Variants in NIPBL observed in about 807,000 individuals in gnomAD.
The protein encoded by NIPBL is NIPBL cohesin loading factor, also known as nipped-B-like protein.
Under a neutral mutation model 321.8 loss-of-function variants are expected in NIPBL, and 19 were observed. That is an observed-to-expected ratio of 0.06 (90% CI 0.04 to 0.09). The LOEUF is 0.09. Ranked by LOEUF, NIPBL falls within the 10% of genes least tolerant of loss-of-function variation. The pLI, the probability that NIPBL is intolerant of heterozygous loss-of-function variation, is 1.00. For missense variants in NIPBL, 2,210 were observed against 3,327.0 expected (o/e 0.66, Z 8.26); for synonymous variants, 1,106 against 1,114.1 (o/e 0.99, Z 0.14).
Position 37,064,900 on chromosome 5 carries a change from G to GTACA in NIPBL, c.*10_*13dup. 1 of 1,613,954 alleles carries GTACA rather than the reference G, an allele frequency of 6.2e-7. No homozygotes were observed. The highest frequency in any genetic ancestry group is 8.5e-7 in the Non-Finnish European group (1 of 1,179,972). ...GATGGGACTTCCAGCTAATGAATTT[G>GTACA]TACATGCAGCCAAATTTACAGGAAT... On this transcript the variant is annotated 3_prime_UTR_variant, in exon 47 of 47. Transcript: ENST00000282516.
intron 12 of NIPBL, 103 bp downstream of exon 12, chr5:37,000,673 T>G (rs1476792951): frequency 4.4e-6 from 6 of 1,356,612 alleles, no homozygotes; most frequent in Non-Finnish European, 1.0e-6. Flanking sequence ...ATAACTAATT[T>G]TCAATTAAGA....
chr5:37,046,161 C>A lies in NIPBL; in HGVS notation c.6551C>A (p.Ser2184Ter). ...LELLMYFTKHSDEEVQTKAII... is the reference protein window; with the variant it reads ...LELLMYFTKH ...CTATTGATGTATTTTACAAAACACTCAGATGAAGAAGTACAAACAAAAGCT... is the reference window on the plus strand; with the variant it reads ...CTATTGATGTATTTTACAAAACACTAAGATGAAGAAGTACAAACAAAAGCT... The change falls in exon 38 of 47, where the codon TCA becomes TAA. Residue 2184 changes from serine to a stop codon, truncating the protein, a stop_gained. Transcript: ENST00000282516. LOFTEE classifies it high-confidence loss of function. The A allele has an allele frequency of 6.3e-7, 1 of 1,581,456 alleles. No individual in the cohort carries two copies. Among genetic ancestry groups the A allele is most frequent in the South Asian group, 1.1e-5 (1 of 90,362 alleles).
intron 22 of NIPBL, among the ~76,000 whole-genome samples, 176 bp downstream of exon 22, chr5:37,014,941 G>C (rs912937940): frequency 2.0e-5 from 3 of 151,888 alleles, no homozygotes; most frequent in Admixed American, 2.0e-4. Context: ...ATCTAAAATT[G>C]GGATGGGACT....
chr5:37,010,799 A>C (rs1279813093), intron 21 of NIPBL, among the ~76,000 whole-genome samples: 1 of 152,200 alleles, frequency 6.6e-6, no homozygotes, highest in Non-Finnish European at 1.5e-5. Context: ...AAACTGCTAT[A>C]CCAGGTTGTA....
chr5:36,936,628 G>C (rs1326284092), intron 1 of NIPBL, among the ~76,000 whole-genome samples: 1 of 152,012 alleles, frequency 6.6e-6, no homozygotes, highest in Non-Finnish European at 1.5e-5. Context: ...GTTATATTAG[G>C]AGGATATGCC....
intron 1 of NIPBL, among the ~76,000 whole-genome samples, chr5:36,939,577 A>G (rs1373186293): frequency 1.3e-5 from 2 of 152,192 alleles, no homozygotes; most frequent in Non-Finnish European, 2.9e-5. Flanking sequence ...TTTCGCTATT[A>G]TGAAATTGTC....
chr5:36,993,028 A>T (rs1245384204), intron 10 of NIPBL, among the ~76,000 whole-genome samples: 1 of 152,172 alleles, frequency 6.6e-6, no homozygotes, highest in African/African-American at 2.4e-5. Flanking sequence ...GGTGTGAGCC[A>T]CTACGCCTGG....
intron 1 of NIPBL, among the ~76,000 whole-genome samples, chr5:36,933,016 T>C (rs1749898507): frequency 6.6e-6 from 1 of 152,044 alleles, no homozygotes; most frequent in South Asian, 2.1e-4. Context: ...AACAACTTTT[T>C]AGAGTTATTT....
intron 21 of NIPBL, among the ~76,000 whole-genome samples, chr5:37,010,446 G>A (rs570924003): frequency 8.6e-4 from 131 of 152,212 alleles, no homozygotes; most frequent in African/African-American, 3.1e-3. Flanking sequence ...CTGCTGAGTA[G>A]CTGGGATTAC....
chr5:36,889,451 A>G (rs1010059157), intron 1 of NIPBL, among the ~76,000 whole-genome samples: 2 of 152,032 alleles, frequency 1.3e-5, no homozygotes, highest in South Asian at 4.1e-4. Flanking sequence ...GGAAAGAGGT[A>G]TTTCTTACAG....
intron 12 of NIPBL, 36 bp from the exon 13 acceptor site, chr5:37,000,781 G>A (rs1746703182): frequency 1.3e-6 from 2 of 1,531,334 alleles, no homozygotes; most frequent in Non-Finnish European, 9.0e-7. Context: ...TAAGTTGTCA[G>A]TCCTGCATTT....
At chr5:37,044,257 T>C in intron 34 of NIPBL, 90 bp from the exon 35 acceptor site, 2 of 1,196,398 alleles carry the variant, frequency 1.7e-6, no homozygotes, top group Non-Finnish European at 1.2e-6. Flanking sequence ...ACGTGCAAAA[T>C]GCCCTATTTC....
rs1416290276 is a variant in NIPBL, at chr5:36,884,028, CT to C, written c.-80+6853del. 7.2e-5 allele frequency among the ~76,000 whole-genome samples: 11 copies of C among 152,166 alleles called. No individual in the cohort carries two copies. In the East Asian group the frequency reaches 1.9e-3, roughly 27 times the overall value. ...ACCTGAAAACTACTGATTCTTTCCC[CT>C]TTAAGAAAAGAATTTGGAAACTAGT... On this transcript the variant is annotated intron_variant, in intron 1 of 46. Transcript: ENST00000282516.
At chr5:36,919,283 A>T (rs1003607398) in intron 1 of NIPBL, among the ~76,000 whole-genome samples, 3 of 152,198 alleles carry the variant, frequency 2.0e-5, no homozygotes, top group Non-Finnish European at 2.9e-5. Flanking sequence ...TCTTCAGAAT[A>T]AAAGACTGCC....
chr5:37,037,722 T>C (rs1244467266), intron 33 of NIPBL, among the ~76,000 whole-genome samples: 2 of 151,172 alleles, frequency 1.3e-5, no homozygotes, highest in South Asian at 2.1e-4. Flanking sequence ...TTAGGGGTGA[T>C]ACTGATGTCC....
Position 36,975,840 on chromosome 5 carries a change from A to C in NIPBL, c.933A>C (p.Pro311=), listed in dbSNP as rs1164580808. ...SLPCSSPRDV[P]PDILLDSPER... is the part of the protein sequence containing the mutation. The stretch of plus-strand genomic sequence containing the variant: ...CTTGTTCATCACCTCGAGATGTTCC[A>C]CCAGATATCTTGCTAGATTCTCCAG... The change falls in exon 9 of 47, where the codon CCA becomes CCC. Residue 311 remains proline (P), a synonymous_variant. Coordinates refer to ENST00000282516, the MANE Select transcript of NIPBL (RefSeq NM_133433.4). 2 of 1,613,038 alleles carry C rather than the reference A, an allele frequency of 1.2e-6. No homozygotes were observed. Among genetic ancestry groups the C allele is most frequent in the Non-Finnish European group, 1.7e-6 (2 of 1,179,632 alleles).
chr5:36,997,687 T>C (rs1047923611), intron 11 of NIPBL, among the ~76,000 whole-genome samples: 5 of 152,196 alleles, frequency 3.3e-5, no homozygotes, highest in Non-Finnish European at 7.3e-5. Context: ...TCTTCACTTA[T>C]TTCTATACAA....
intron 1 of NIPBL, among the ~76,000 whole-genome samples, chr5:36,898,661 G>T (rs1214820585): frequency 6.6e-6 from 1 of 151,910 alleles, no homozygotes; most frequent in Non-Finnish European, 1.5e-5. Context: ...ACAGGCATGC[G>T]CCATCACGCC....
At chr5:37,046,008 C>T (rs979495364) in intron 37 of NIPBL, 101 bp from the exon 38 acceptor site, 11 of 685,918 alleles carry the variant, frequency 1.6e-5, no homozygotes, top group Non-Finnish European at 2.6e-5. Flanking sequence ...TAATAAAGTT[C>T]ACACAAATTC....
Sources: allele counts gnomAD v4.1 joint callset (sites outside exome capture counted in the v4.1 genomes callset), GRCh38; gene constraint gnomAD v4.1.1; transcripts MANE v1.5; gene names NCBI Gene and HGNC (gene_info 2026-07-23, HGNC 2026-07-21).